CPVL: variants seen among roughly 807,000 people sequenced by gnomAD.
CPVL encodes carboxypeptidase vitellogenic like.
CPVL carries 51 observed loss-of-function variants against 63.7 expected under a neutral mutation model. The ratio of observed to expected loss-of-function variants is 0.80; its 90% confidence interval spans 0.64 to 1.01. CPVL has a LOEUF of 1.01. Ranked by LOEUF, CPVL falls within the 50% of genes least tolerant of loss-of-function variation. The pLI, the probability that CPVL is intolerant of heterozygous loss-of-function variation, is 0.00. For missense variants in CPVL, 530 were observed against 573.1 expected, an observed-to-expected ratio of 0.92 and a Z score of 0.77; for synonymous variants, 195 against 206.0, an observed-to-expected ratio of 0.95 and a Z score of 0.46.
At chr7:29,003,785 C>G (rs960457785) in intron 12 of CPVL, among the ~76,000 whole-genome samples, 2 of 152,126 alleles carry the variant, frequency 1.3e-5, no homozygotes, top group African/African-American at 4.8e-5. Context: ...TGACACTGTT[C>G]CACTTCAGAT....
intron 6 of CPVL, among the ~76,000 whole-genome samples, 152 bp downstream of exon 6, chr7:29,092,469 CTG>C (rs1399167104): frequency 8.5e-5 from 13 of 152,132 alleles, no homozygotes; most frequent in Admixed American, 7.9e-4. Context: ...AAATTCTGCT[CTG>C]TGTGTGTGGA....
chr7:29,049,293 G>A (rs1270052161), intron 11 of CPVL, among the ~76,000 whole-genome samples: 1 of 151,922 alleles, frequency 6.6e-6, no homozygotes, highest in Admixed American at 6.6e-5. Context: ...CAAGAAGAGA[G>A]AAAATCCAAA....
At chr7:29,055,806 T>C (rs1013740012) in intron 11 of CPVL, among the ~76,000 whole-genome samples, 3 of 152,234 alleles carry the variant, frequency 2.0e-5, no homozygotes, top group African/African-American at 7.2e-5. Context: ...GTGTTGTTTT[T>C]GTTTTCAGAT....
At chr7:29,053,287 T>A (rs1790385058) in intron 11 of CPVL, among the ~76,000 whole-genome samples, 1 of 152,194 alleles carries the variant, frequency 6.6e-6, no homozygotes. Context: ...ACACCAACAC[T>A]GTACATGAAT....
intron 11 of CPVL, among the ~76,000 whole-genome samples, chr7:29,034,146 C>T (rs1038231428): frequency 2.6e-5 from 4 of 152,178 alleles, no homozygotes; most frequent in African/African-American, 9.7e-5. Context: ...CTATGTTCCC[C>T]TAAGCTGGAG....
chr7:29,182,924 A>C (rs1400955222), intron 4 of CPVL, among the ~76,000 whole-genome samples: 1 of 152,150 alleles, frequency 6.6e-6, no homozygotes, highest in East Asian at 1.9e-4. Context: ...GAACAAAGAT[A>C]AACACTCAGC....
chr7:29,098,918 A>T (rs1419830510), intron 3 of CPVL, among the ~76,000 whole-genome samples: 1 of 152,078 alleles, frequency 6.6e-6, no homozygotes, highest in Non-Finnish European at 1.5e-5. Context: ...CAAAAAAATT[A>T]GCTGGGCCTA....
At chr7:29,171,946 T>G (rs564702530) in intron 5 of CPVL, among the ~76,000 whole-genome samples, 160 of 152,300 alleles carry the variant, frequency 1.1e-3, no homozygotes, top group Non-Finnish European at 1.8e-3. Flanking sequence ...ACAATCCAGC[T>G]GTATCTGAAG....
intron 5 of CPVL, among the ~76,000 whole-genome samples, chr7:29,094,846 A>C (rs1786233911): frequency 6.6e-6 from 1 of 151,996 alleles, no homozygotes; most frequent in Non-Finnish European, 1.5e-5. Context: ...ACTCCATCTC[A>C]ATAGAAAAAA....
At chr7:29,086,572 C>T (rs773561921) in intron 6 of CPVL, 22 bp from the exon 7 acceptor site, 2 of 1,524,094 alleles carry the variant, frequency 1.3e-6, no homozygotes, top group Admixed American at 3.4e-5. Flanking sequence ...AGAACAAGAA[C>T]AACACAAATT....
intron 5 of CPVL, among the ~76,000 whole-genome samples, chr7:29,094,848 T>C (rs991773910): frequency 1.5e-5 from 2 of 132,730 alleles, no homozygotes; most frequent in African/African-American, 5.7e-5. Context: ...TCCATCTCAA[T>C]AGAAAAAAAA....
chr7:29,073,715 T>C (rs1468362227), intron 7 of CPVL, among the ~76,000 whole-genome samples: 2 of 152,196 alleles, frequency 1.3e-5, no homozygotes, highest in Non-Finnish European at 2.9e-5. Flanking sequence ...CAACAAACTT[T>C]TACTTACTTA....
At chr7:29,128,434 G>A (rs1056186505) in intron 1 of CPVL, among the ~76,000 whole-genome samples, 5 of 151,850 alleles carry the variant, frequency 3.3e-5, no homozygotes, top group Admixed American at 6.6e-5. Context: ...ACTCTCTCTG[G>A]GCCCGGCATG....
At chr7:29,140,631 A>T (rs1791771656) in intron 1 of CPVL, among the ~76,000 whole-genome samples, 1 of 152,200 alleles carries the variant, frequency 6.6e-6, no homozygotes, top group Non-Finnish European at 1.5e-5. Context: ...ACAACTTGCT[A>T]CTTCTAACTT....
intron 12 of CPVL, chr7:29,013,005 C>T (rs1045624470): frequency 3.3e-5 from 5 of 152,228 alleles, no homozygotes; most frequent in Non-Finnish European, 5.9e-5. Flanking sequence ...TGCCATTCTT[C>T]CCACCAAAAG....
chr7:29,156,708 G>A (rs890770974), intron 5 of CPVL, among the ~76,000 whole-genome samples: 1 of 152,126 alleles, frequency 6.6e-6, no homozygotes. Context: ...GTATGAAAGC[G>A]ACTATGTATT....
chr7:29,105,684 A>AC (rs1787654290), intron 3 of CPVL, among the ~76,000 whole-genome samples: 1 of 151,992 alleles, frequency 6.6e-6, no homozygotes, highest in African/African-American at 2.4e-5. Flanking sequence ...GGAAACATTC[A>AC]CCTTTAATTC....
chr7:29,089,030 A>G (rs1785502078), intron 6 of CPVL, among the ~76,000 whole-genome samples: 1 of 152,152 alleles, frequency 6.6e-6, no homozygotes. Flanking sequence ...CCATGCATTT[A>G]TTCAGGTACA....
At chr7:29,083,324 A>C (rs68164623) in intron 7 of CPVL, among the ~76,000 whole-genome samples, 16,126 of 152,176 alleles carry the variant, frequency 0.11, 1,079 homozygotes, top group Middle Eastern at 0.15. Flanking sequence ...ACTCATTTCC[A>C]ACTCTCAGGC....
Sources: gnomAD v4.1 joint callset for allele counts (sites outside exome capture counted in the v4.1 genomes callset) on GRCh38, gnomAD v4.1.1 for gene constraint, MANE v1.5 for transcripts, NCBI Gene and HGNC (gene_info 2026-07-23, HGNC 2026-07-21) for gene names.